The following SND1 variants were observed in gnomAD, a reference collection of about 807,000 sequenced individuals.
The protein encoded by SND1 is staphylococcal nuclease and tudor domain containing 1.
Under a neutral mutation model 121.7 loss-of-function variants are expected in SND1, and 38 were observed. The ratio of observed to expected loss-of-function variants is 0.31; its 90% confidence interval spans 0.24 to 0.41. The LOEUF is 0.41. Ranked by LOEUF, SND1 falls within the 10% of genes least tolerant of loss-of-function variation. The pLI is 1.00. For synonymous variants in SND1, 401 were observed against 447.4 expected (o/e 0.90, Z 1.31); for missense variants, 868 against 1,184.6 (o/e 0.73, Z 3.92).
At chr7:127,666,081 A>G (rs1795413579) in intron 1 of SND1, among the ~76,000 whole-genome samples, 1 of 152,138 alleles carries the variant, frequency 6.6e-6, no homozygotes, top group African/African-American at 2.4e-5. Context: ...TTAAAAGCTG[A>G]GTTATCTTGT....
chr7:128,089,656 G>T lies in SND1; in HGVS notation c.2586G>T (p.Met862Ile), dbSNP rs768199368. ...GCTTGGTGAAGGAAGGGCTGGTCAT[G>T]GTGGAGGTGCGCAAGGAGAAACAGT... ...GLGLVKEGLVMVEVRKEKQFQ... is the reference protein window; with the variant it reads ...GLGLVKEGLVIVEVRKEKQFQ... The change falls in exon 22 of 24, where the codon ATG (methionine) becomes ATT (isoleucine). Residue 862 changes from methionine (M) to isoleucine (I), a missense_variant. Physicochemically the swap from Met to Ile is conservative, Grantham distance 10. Around this residue, in one of 2 missense-constraint regions of SND1, gnomAD observed 743 missense variants for 1,071.3 expected, o/e 0.69. Transcript: ENST00000354725. 3.1e-6 allele frequency: 5 copies of T among 1,614,190 alleles called. No homozygotes were observed. Among genetic ancestry groups the T allele is most frequent in the South Asian group, 2.2e-5 (2 of 91,080 alleles).
chr7:127,731,985 A>G (rs989660494), intron 10 of SND1, among the ~76,000 whole-genome samples: 3 of 152,136 alleles, frequency 2.0e-5, no homozygotes, highest in Non-Finnish European at 4.4e-5. Context: ...ATGGTGTTGA[A>G]TGTCTCTCTC....
chr7:127,657,283 G>T (rs574095088), intron 1 of SND1, among the ~76,000 whole-genome samples: 2 of 152,284 alleles, frequency 1.3e-5, no homozygotes, highest in East Asian at 3.9e-4. Context: ...ATACAAGATA[G>T]TGATACCAGG....
intron 8 of SND1, among the ~76,000 whole-genome samples, chr7:127,706,258 C>CG (rs1181612599): frequency 1.9e-4 from 14 of 73,158 alleles, no homozygotes; most frequent in African/African-American, 9.1e-4. Flanking sequence ...CCCCTCCCCC[C>CG]CCCCACCTTT....
intron 12 of SND1, among the ~76,000 whole-genome samples, chr7:127,870,159 C>T (rs1799555623): frequency 6.6e-6 from 1 of 152,124 alleles, no homozygotes; most frequent in Non-Finnish European, 1.5e-5. Flanking sequence ...AGTCAAGATT[C>T]TTTCAGTAAT....
intron 12 of SND1, among the ~76,000 whole-genome samples, chr7:127,875,169 A>G (rs1167530639): frequency 6.6e-6 from 1 of 152,114 alleles, no homozygotes; most frequent in Non-Finnish European, 1.5e-5. Flanking sequence ...TCTATGACTC[A>G]GTCAGTTATT....
chr7:127,801,200 G>A (rs1417977296), intron 10 of SND1, among the ~76,000 whole-genome samples: 1 of 152,320 alleles, frequency 6.6e-6, no homozygotes, highest in South Asian at 2.1e-4. Context: ...AAGTGCCAAA[G>A]TATTTAACCT....
Position 128,084,861 on chromosome 7 carries a change from A to G in SND1, c.2234+14A>G. On this transcript the variant is annotated intron_variant, in intron 19 of 23. Coordinates refer to ENST00000354725, the MANE Select transcript of SND1 (RefSeq NM_014390.4). ...AGATGGAGAATGGTAAGCCACTTGG[A>G]AAAGCAAGGCAGAGTCTTGAGCAGG... 1 of 1,585,194 alleles carries G rather than the reference A, an allele frequency of 6.3e-7. No individual in the cohort carries two copies. The highest frequency in any genetic ancestry group is 8.6e-7 in the Non-Finnish European group (1 of 1,160,388).
rs534466712 is a variant in SND1 at position 128,055,116 on chromosome 7, T to C, written c.1780-19386T>C. 1.2e-3 allele frequency among the ~76,000 whole-genome samples: 189 copies of C among 152,374 alleles called. 5 individuals carry two copies. The South Asian group carries it at 0.037, about 30-fold the overall frequency. ...TAAACTTCGTGGTTTTGTTTTGTTT[T>C]GTTTCAGTTGGGAAAGCTGGAAGGA... On this transcript the variant is annotated intron_variant, in intron 16 of 23. Transcript: ENST00000354725.
chr7:127,802,222 G>C (rs1307410287), intron 10 of SND1, among the ~76,000 whole-genome samples: 4 of 152,164 alleles, frequency 2.6e-5, no homozygotes, highest in Non-Finnish European at 5.9e-5. Flanking sequence ...TGGTCTTGCT[G>C]TCACAGGAAT....
chr7:128,086,516 A>C, intron 20 of SND1: 2 of 277,150 alleles, frequency 7.2e-6, no homozygotes, highest in South Asian at 3.4e-5. Context: ...CCAGAACCAC[A>C]GGCAGGCCCG....
At chr7:128,025,808 C>T in intron 16 of SND1, among the ~76,000 whole-genome samples, 1 of 152,098 alleles carries the variant, frequency 6.6e-6, no homozygotes, top group East Asian at 1.9e-4. Context: ...TTAGTCTCCC[C>T]CAACTCCTTT....
At chr7:127,814,793 A>T (rs2116590955) in intron 11 of SND1, among the ~76,000 whole-genome samples, 1 of 152,294 alleles carries the variant, frequency 6.6e-6, no homozygotes, top group African/African-American at 2.4e-5. Flanking sequence ...TCCCAAGGGT[A>T]TAAACAGTTT....
At chr7:127,751,145 G>GGTGTGTGT (rs142927273) in intron 10 of SND1, among the ~76,000 whole-genome samples, 1 of 150,192 alleles carries the variant, frequency 6.7e-6, no homozygotes, top group Admixed American at 6.6e-5. Context: ...TCCATGGTAG[G>GGTGTGTGT]GTGTGTGTGT....
At chr7:128,003,621 A>G (rs978142688) in intron 16 of SND1, among the ~76,000 whole-genome samples, 2 of 152,196 alleles carry the variant, frequency 1.3e-5, no homozygotes, top group Non-Finnish European at 2.9e-5. Context: ...CTCCAGTTAA[A>G]TAAATCTCAA....
chr7:127,861,205 A>T (rs750709260), intron 12 of SND1, among the ~76,000 whole-genome samples: 18 of 152,348 alleles, frequency 1.2e-4, no homozygotes, highest in Non-Finnish European at 2.2e-4. Flanking sequence ...CATGTTTACA[A>T]CATAATATTT....
At chr7:127,754,804 A>G (rs1370713782) in intron 10 of SND1, among the ~76,000 whole-genome samples, 1 of 152,242 alleles carries the variant, frequency 6.6e-6, no homozygotes, top group Admixed American at 6.5e-5. Context: ...GGGAACCCAT[A>G]TTCTTTTGGA....
At chr7:127,908,836 C>T (rs766469982) in intron 14 of SND1, among the ~76,000 whole-genome samples, 3 of 152,100 alleles carry the variant, frequency 2.0e-5, no homozygotes, top group East Asian at 3.9e-4. Flanking sequence ...TAGCCTGCTC[C>T]GTAATAAATA....
intron 16 of SND1, among the ~76,000 whole-genome samples, chr7:128,001,042 C>T (rs183885107): frequency 6.6e-6 from 1 of 152,294 alleles, no homozygotes; most frequent in Admixed American, 6.5e-5. Context: ...AGAGAACCTC[C>T]GTGTTCCAAA....
Sources: allele counts gnomAD v4.1 joint callset (sites outside exome capture counted in the v4.1 genomes callset), GRCh38; gene constraint gnomAD v4.1.1; regional missense constraint gnomAD v4.1.1; transcripts MANE v1.5; gene names NCBI Gene and HGNC (gene_info 2026-07-23, HGNC 2026-07-21).